The following NEGR1 variants were observed in gnomAD, a reference collection of about 807,000 sequenced individuals.
The protein encoded by NEGR1 is IgLON family member 4.
Under a neutral mutation model 40.9 loss-of-function variants are expected in NEGR1, and 10 were observed. The observed-to-expected ratio is 0.24, with a 90% CI of 0.15 to 0.42. The LOEUF (loss-of-function observed/expected upper bound fraction) is 0.42. Among genes scored for constraint, NEGR1 ranks in the 10% least tolerant of loss-of-function variants. The pLI is 1.00. For synonymous variants in NEGR1, 185 were observed against 166.8 expected, an observed-to-expected ratio of 1.11 and a Z score of -0.84; for missense variants, 352 against 438.9, an observed-to-expected ratio of 0.80 and a Z score of 1.77.
Position 72,108,872 on chromosome 1 carries a change from T to G in NEGR1, c.176+173447A>C, listed in dbSNP as rs1049914299. Among the ~76,000 whole-genome samples the G allele has an allele frequency of 4.6e-5, 7 of 151,530 alleles. No individual in the cohort carries two copies. In the Admixed American group the frequency reaches 4.6e-4, roughly 10 times the overall value. On this transcript the variant is annotated intron_variant, in intron 1 of 6. Transcript: ENST00000357731. The stretch of plus-strand genomic sequence containing the variant: ...AATTTTAATCCAAGTTTGTCACAGG[T>G]AAACAATTTCTAACTTTTTTTTTTA...
chr1:71,569,944 T>C (rs1413665791), intron 6 of NEGR1, among the ~76,000 whole-genome samples: 1 of 151,852 alleles, frequency 6.6e-6, no homozygotes, highest in Non-Finnish European at 1.5e-5. Flanking sequence ...TTGGTGGTTA[T>C]AGAGTAACAA....
intron 1 of NEGR1, among the ~76,000 whole-genome samples, chr1:72,088,162 T>C (rs1201985336): frequency 1.3e-5 from 2 of 152,170 alleles, no homozygotes; most frequent in Non-Finnish European, 2.9e-5. Flanking sequence ...CTACTCCTAT[T>C]AATCATCATA....
At chr1:72,073,418 T>A (rs1372942166) in intron 1 of NEGR1, among the ~76,000 whole-genome samples, 1 of 152,144 alleles carries the variant, frequency 6.6e-6, no homozygotes, top group Admixed American at 6.6e-5. Flanking sequence ...TCTGTGATTA[T>A]TTCCTCTATT....
At chr1:72,261,496 T>C (rs1027421700) in intron 1 of NEGR1, among the ~76,000 whole-genome samples, 1 of 152,146 alleles carries the variant, frequency 6.6e-6, no homozygotes, top group African/African-American at 2.4e-5. Context: ...TTTGCCAAAA[T>C]GGATATTTAA....
At chr1:71,854,435 C>T (rs1659700316) in intron 2 of NEGR1, among the ~76,000 whole-genome samples, 1 of 152,034 alleles carries the variant, frequency 6.6e-6, no homozygotes, top group African/African-American at 2.4e-5. Context: ...TACCCCACAT[C>T]TAATACAGCA....
In NEGR1 at chr1:71,776,585, G is replaced by A. The variant is rs183435163; in HGVS notation, c.410-288C>T. On this transcript the variant is annotated intron_variant, in intron 2 of 6. Transcript: ENST00000357731. Reference sequence around the variant, plus strand: ...TAAATATGTATTATGAGTAATTTGTGTTAAGTAAACTAGAATATAATCAAT... The same window carrying A: ...TAAATATGTATTATGAGTAATTTGTATTAAGTAAACTAGAATATAATCAAT... Among the ~76,000 whole-genome samples the A allele has an allele frequency of 2.7e-3, 410 of 152,194 alleles. 4 individuals carry two copies. The highest frequency in any genetic ancestry group is 8.7e-3 in the African/African-American group (363 of 41,536).
At chr1:71,831,837 G>T (rs1033819286) in intron 2 of NEGR1, among the ~76,000 whole-genome samples, 3 of 151,774 alleles carry the variant, frequency 2.0e-5, no homozygotes, top group Admixed American at 2.0e-4. Context: ...GCAAGAATGA[G>T]CATACTGCTT....
intron 1 of NEGR1, among the ~76,000 whole-genome samples, chr1:72,104,150 T>C (rs1649046394): frequency 6.6e-6 from 1 of 152,018 alleles, no homozygotes; most frequent in African/African-American, 2.4e-5. Context: ...TTTTATCCCC[T>C]TGGTATGCTG....
At chr1:71,903,573 A>G (rs1043773179) in intron 2 of NEGR1, among the ~76,000 whole-genome samples, 4 of 152,006 alleles carry the variant, frequency 2.6e-5, no homozygotes, top group African/African-American at 9.7e-5. Context: ...AAGGTGATAC[A>G]TTTAATCATG....
At chr1:72,092,252 T>C (rs1194054893) in intron 1 of NEGR1, among the ~76,000 whole-genome samples, 1 of 152,166 alleles carries the variant, frequency 6.6e-6, no homozygotes, top group East Asian at 1.9e-4. Context: ...CTTAGGAGGC[T>C]GGAGGGCATC....
intron 3 of NEGR1, among the ~76,000 whole-genome samples, chr1:71,763,995 A>G (rs1186182202): frequency 6.6e-6 from 1 of 152,164 alleles, no homozygotes; most frequent in Non-Finnish European, 1.5e-5. Context: ...AGTATAAAGA[A>G]GAACAGATTA....
At chr1:72,197,689 T>G (rs1027572147) in intron 1 of NEGR1, among the ~76,000 whole-genome samples, 27 of 151,916 alleles carry the variant, frequency 1.8e-4, no homozygotes, top group Admixed American at 1.4e-3. Context: ...TAAATTCTCT[T>G]TCATATAATA....
intron 3 of NEGR1, among the ~76,000 whole-genome samples, chr1:71,720,841 A>G (rs1654485300): frequency 6.6e-6 from 1 of 152,180 alleles, no homozygotes; most frequent in Non-Finnish European, 1.5e-5. Context: ...TGTGAGCATT[A>G]TTTATGATCC....
chr1:71,671,056 C>T (rs11209817), intron 4 of NEGR1, among the ~76,000 whole-genome samples: 56,644 of 151,674 alleles, frequency 0.37, 11,069 homozygotes, highest in East Asian at 0.51. Context: ...TTTTAATATG[C>T]GAATTATAAC....
intron 4 of NEGR1, among the ~76,000 whole-genome samples, chr1:71,655,471 T>G (rs1283276098): frequency 6.6e-6 from 1 of 152,220 alleles, no homozygotes; most frequent in Non-Finnish European, 1.5e-5. Context: ...AGGACATTTG[T>G]GAACTGCCTT....
rs181475036 is a variant in NEGR1 at position 72,129,621 on chromosome 1, A to G, written c.176+152698T>C. Among the ~76,000 whole-genome samples, 7 of 152,336 alleles carry G rather than the reference A, an allele frequency of 4.6e-5. No individual in the cohort carries two copies. The East Asian group carries it at 1.2e-3, about 25-fold the overall frequency. ...AAGACAAACAGATAAAAGTAATAAA[A>G]TGTTGCAAGGAAGGCAAGTAGGGAG... On this transcript the variant is annotated intron_variant, in intron 1 of 6. Coordinates refer to ENST00000357731, the MANE Select transcript of NEGR1 (RefSeq NM_173808.3).
chr1:71,636,794 G>C (rs1651166485), intron 4 of NEGR1, among the ~76,000 whole-genome samples: 2 of 151,936 alleles, frequency 1.3e-5, no homozygotes, highest in African/African-American at 4.8e-5. Context: ...ACCAAGAATT[G>C]TGTTCCACTT....
At chr1:71,444,517 A>G (rs1377617425) in intron 6 of NEGR1, among the ~76,000 whole-genome samples, 3 of 152,098 alleles carry the variant, frequency 2.0e-5, no homozygotes, top group Non-Finnish European at 4.4e-5. Flanking sequence ...TCTTCTTTTG[A>G]TATAAGAAAT....
intron 2 of NEGR1, among the ~76,000 whole-genome samples, chr1:71,913,564 G>A (rs966581370): frequency 1.3e-5 from 2 of 152,138 alleles, no homozygotes; most frequent in Non-Finnish European, 2.9e-5. Context: ...TTAGCAATTC[G>A]ATTTTGAAGG....
Sources: gnomAD v4.1 joint callset for allele counts (sites outside exome capture counted in the v4.1 genomes callset) on GRCh38, gnomAD v4.1.1 for gene constraint, MANE v1.5 for transcripts, NCBI Gene and HGNC (gene_info 2026-07-23, HGNC 2026-07-21) for gene names.